The following MFN2 variants were observed in gnomAD, a reference collection of about 807,000 sequenced individuals.
MFN2 encodes mitofusin-2.
In MFN2, 43 loss-of-function variants were observed where a neutral mutation model predicts 87.5. That is an observed-to-expected ratio of 0.49 (90% confidence interval 0.38 to 0.63). The LOEUF (loss-of-function observed/expected upper bound fraction) is 0.63. Ranked by LOEUF, MFN2 falls within the 30% of genes least tolerant of loss-of-function variation. The pLI is 0.00. For synonymous variants in MFN2, 337 were observed against 359.9 expected, an observed-to-expected ratio of 0.94 and a Z score of 0.72; for missense variants, 743 against 972.8, an observed-to-expected ratio of 0.76 and a Z score of 3.14.
At chr1:12,005,107 A>T (rs1639350455) in intron 14 of MFN2, among the ~76,000 whole-genome samples, 180 bp downstream of exon 14, 1 of 152,196 alleles carries the variant, frequency 6.6e-6, no homozygotes, top group South Asian at 2.1e-4. Context: ...TTTGAGACAG[A>T]GTCGCACTCC....
intron 2 of MFN2, among the ~76,000 whole-genome samples, chr1:11,985,492 G>C (rs1638361525): frequency 8.2e-6 from 1 of 121,984 alleles, no homozygotes; most frequent in Non-Finnish European, 1.6e-5. Context: ...TAAAGAGAGA[G>C]ACTTCGCTCT....
rs1273477222 is a variant in MFN2 at position 12,004,437 on chromosome 1, A to G, written c.1288-72A>G. 1.5e-6 allele frequency: 2 copies of G among 1,291,770 alleles called. No homozygotes were observed. Among genetic ancestry groups the G allele is most frequent in the African/African-American group, 1.5e-5 (1 of 68,362 alleles). 80.0% of individuals were successfully genotyped at this position (1,291,770 alleles called of 1,614,324 possible). A position where few individuals can be genotyped will look rare whatever the true frequency, so the allele number is the denominator to read the frequency against. On this transcript the variant is annotated intron_variant, in intron 12 of 18. Transcript: ENST00000235329. The surrounding 1 kb of genome is among the most constrained non-coding windows in gnomAD (Gnocchi z 4.2). ...GAGGAAGGATGTGCCATCTGCTAGG[A>G]TCTCTCCTGGTGCTGCAGGAGTGAA...
Position 12,011,746 on chromosome 1 carries a change from C to G in MFN2, c.*181C>G. Reference sequence around the variant, plus strand: ...ACTTATTTTCCCCCACCTTTGCCTGCTGTTGCTGGAAGAGCTGGCTCATAC... The same window carrying G: ...ACTTATTTTCCCCCACCTTTGCCTGGTGTTGCTGGAAGAGCTGGCTCATAC... On this transcript the variant is annotated 3_prime_UTR_variant, in exon 19 of 19. Transcript: ENST00000235329. 1.5e-6 allele frequency: 1 copy of G among 660,254 alleles called. No homozygotes were observed. Among genetic ancestry groups the G allele is most frequent in the Non-Finnish European group, 2.7e-6 (1 of 376,846 alleles). 40.9% of individuals were successfully genotyped at this position (660,254 alleles called of 1,614,324 possible).
chr1:11,987,402 G>A (rs180792988), intron 2 of MFN2, among the ~76,000 whole-genome samples: 1 of 152,060 alleles, frequency 6.6e-6, no homozygotes, highest in African/African-American at 2.4e-5. Context: ...GGACAAGGTG[G>A]GTGGATCATT....
In MFN2 at chr1:12,001,385, T is replaced by C. The variant is rs745748735; in HGVS notation, c.817-16T>C. The C allele has an allele frequency of 1.9e-6, 3 of 1,609,916 alleles. No individual in the cohort carries two copies. Among genetic ancestry groups the C allele is most frequent in the Non-Finnish European group, 2.5e-6 (3 of 1,177,986 alleles). ...GCCACCTACACTCACTCTGGACACATTTGTTTGGGCTCCAGGTGCGGCGGC... is the reference window on the plus strand; with the variant it reads ...GCCACCTACACTCACTCTGGACACACTTGTTTGGGCTCCAGGTGCGGCGGC... On this transcript the variant is annotated splice_polypyrimidine_tract_variant and intron_variant, in intron 8 of 18. Transcript: ENST00000235329.
intron 6 of MFN2, among the ~76,000 whole-genome samples, chr1:11,998,032 C>CAT (rs1553142920): frequency 2.7e-5 from 4 of 150,848 alleles, no homozygotes; most frequent in Admixed American, 6.6e-5. Flanking sequence ...TACAGGTGCC[C>CAT]GCCACCATGC....
rs1279338276 is a variant in MFN2, at chr1:12,012,666, A to G, written c.*1101A>G. 1 of 152,300 alleles carries G rather than the reference A, an allele frequency of 6.6e-6. No homozygotes were observed. The highest frequency in any genetic ancestry group is 1.5e-5 in the Non-Finnish European group (1 of 68,122). The allele number at this position is 152,300 out of a possible 1,614,324, so 9.4% of individuals were successfully genotyped here. On this transcript the variant is annotated 3_prime_UTR_variant, in exon 19 of 19. Transcript: ENST00000235329. The stretch of plus-strand genomic sequence containing the variant: ...AGTGACTGCAGTTGGCCAAGGGACA[A>G]TGTGGAAAACCCAGTGTCCATCTTT...
intron 6 of MFN2, among the ~76,000 whole-genome samples, chr1:11,998,065 G>A (rs1639000349): frequency 6.6e-6 from 1 of 150,858 alleles, no homozygotes; most frequent in African/African-American, 2.4e-5. Flanking sequence ...TGTATTTTTA[G>A]TAGAGACGGG....
Position 12,013,213 on chromosome 1 carries a change from G to C in MFN2, c.*1648G>C. Reference sequence around the variant, plus strand: ...CTTTTTGAAAAAAAAAAATTCTTTAGCGTAAACATGAATTTTTTTTCAATG... The same window carrying C: ...CTTTTTGAAAAAAAAAAATTCTTTACCGTAAACATGAATTTTTTTTCAATG... On this transcript the variant is annotated 3_prime_UTR_variant, in exon 19 of 19. Coordinates refer to ENST00000235329, the MANE Select transcript of MFN2 (RefSeq NM_014874.4). 2.9e-6 allele frequency: 1 copy of C among 341,572 alleles called. No homozygotes were observed. Among genetic ancestry groups the C allele is most frequent in the South Asian group, 2.2e-5 (1 of 45,392 alleles). 21.2% of individuals were successfully genotyped at this position (341,572 alleles called of 1,614,324 possible). A position where few individuals can be genotyped will look rare whatever the true frequency, so the allele number is the denominator to read the frequency against.
In MFN2 at chr1:12,009,536, A is replaced by G. The variant is rs528416636; in HGVS notation, c.2070-56A>G. 4 of 1,613,372 alleles carry G rather than the reference A, an allele frequency of 2.5e-6. No homozygotes were observed. In the East Asian group the frequency reaches 6.7e-5, roughly 27 times the overall value. ...CTCCCTACTGTGGGTGGGCTAAGCC[A>G]CCAGTGGCATCTTGCTCCACACACC... On this transcript the variant is annotated intron_variant, in intron 17 of 18. Transcript: ENST00000235329.
chr1:11,988,403 GTTTTTTTTT>G (rs761186739), intron 2 of MFN2, among the ~76,000 whole-genome samples: 1 of 137,850 alleles, frequency 7.3e-6, no homozygotes, highest in Non-Finnish European at 1.6e-5. Flanking sequence ...ATGCCTGGCT[GTTTTTTTTT>G]TTTTTTTTAA....
In MFN2 at chr1:12,013,185, GCT is replaced by G. The variant is rs1639761074; in HGVS notation, c.*1623_*1624del. On this transcript the variant is annotated 3_prime_UTR_variant, in exon 19 of 19. Coordinates refer to ENST00000235329, the MANE Select transcript of MFN2 (RefSeq NM_014874.4). ...GTCACACAATTCCAATGGATTTTGTGCTCTTTTTGAAAAAAAAAAATTCTTTA... is the reference window on the plus strand; with the variant it reads ...GTCACACAATTCCAATGGATTTTGTGCTTTTTGAAAAAAAAAAATTCTTTA... 2.9e-6 allele frequency: 1 copy of G among 348,112 alleles called. No individual in the cohort carries two copies. The highest frequency in any genetic ancestry group is 5.7e-6 in the Non-Finnish European group (1 of 176,422). 21.6% of individuals were successfully genotyped at this position (348,112 alleles called of 1,614,324 possible). A position where few individuals can be genotyped will look rare whatever the true frequency, so the allele number is the denominator to read the frequency against.
Position 12,011,914 on chromosome 1 carries a change from T to A in MFN2, c.*349T>A. The A allele has an allele frequency of 2.7e-6, 1 of 366,424 alleles. No individual in the cohort carries two copies. The highest frequency in any genetic ancestry group is 5.2e-6 in the Non-Finnish European group (1 of 192,556). The allele number at this position is 366,424 out of a possible 1,614,324, so 22.7% of individuals were successfully genotyped here. A position where few individuals can be genotyped will look rare whatever the true frequency, so the allele number is the denominator to read the frequency against. ...CATTGCACAATGCCTCATGGAAGCC[T>A]TTGAGGGTATCACACAGACACCCCC... On this transcript the variant is annotated 3_prime_UTR_variant, in exon 19 of 19. Coordinates refer to ENST00000235329, the MANE Select transcript of MFN2 (RefSeq NM_014874.4).
At chr1:12,009,861 T>C in intron 18 of MFN2, 135 bp downstream of exon 18, 1 of 1,322,012 alleles carries the variant, frequency 7.6e-7, no homozygotes, top group South Asian at 1.2e-5. Flanking sequence ...TCGTGTTAGA[T>C]GTGTACCATG....
Position 11,997,314 on chromosome 1 carries a change from C to G in MFN2, c.492C>G (p.Ala164=), listed in dbSNP as rs1351533528. The change falls in exon 6 of 19, where the codon GCC becomes GCG. Residue 164 remains alanine, a synonymous_variant. Coordinates refer to ENST00000235329, the MANE Select transcript of MFN2 (RefSeq NM_014874.4). ...GCCATCAGACTGTGAACCAGCTGGC[C>G]CATGCCCTCCACCAGGACAAGCAGC... ...KRSAKTVNQL[A]HALHQDKQLH... The G allele has an allele frequency of 1.2e-6, 2 of 1,614,050 alleles. No individual in the cohort carries two copies. Among genetic ancestry groups the G allele is most frequent in the Non-Finnish European group, 1.7e-6 (2 of 1,180,026 alleles).
chr1:12,000,468 G>A (rs1040886457), intron 8 of MFN2, among the ~76,000 whole-genome samples: 1 of 152,192 alleles, frequency 6.6e-6, no homozygotes, highest in East Asian at 1.9e-4. Flanking sequence ...GGGATTACGG[G>A]CGTGAGCCAC....
intron 8 of MFN2, among the ~76,000 whole-genome samples, chr1:11,999,603 C>A (rs1471757355): frequency 6.6e-6 from 1 of 152,012 alleles, no homozygotes; most frequent in Non-Finnish European, 1.5e-5. Flanking sequence ...GGTGATCCAC[C>A]TGCCTCAGCC....
rs1639336703 is a variant in MFN2 at position 12,004,910 on chromosome 1, T to C, written c.1478T>C (p.Met493Thr). The change falls in exon 14 of 19, where the codon ATG becomes ACG. Residue 493 changes from methionine to threonine, a missense_variant. Met to Thr is a moderately conservative substitution (Grantham distance 81, BLOSUM62 -1). Coordinates refer to ENST00000235329, the MANE Select transcript of MFN2 (RefSeq NM_014874.4). The surrounding 1 kb of genome is among the most constrained non-coding windows in gnomAD (Gnocchi z 4.2). ...GCCATCACCAACTCCCTGCAGACCA[T>C]GCAGCAGGACATGATAGGTTAGTGC... ...STAITNSLQTMQQDMIDGLKP... is the reference protein window; with the variant it reads ...STAITNSLQTTQQDMIDGLKP... The C allele has an allele frequency of 1.9e-6, 3 of 1,610,888 alleles. No individual in the cohort carries two copies. Among genetic ancestry groups the C allele is most frequent in the Non-Finnish European group, 2.5e-6 (3 of 1,178,574 alleles).
intron 4 of MFN2, among the ~76,000 whole-genome samples, chr1:11,993,239 T>G (rs1638768119): frequency 6.6e-6 from 1 of 150,926 alleles, no homozygotes; most frequent in Admixed American, 6.6e-5. Context: ...ACAGTATTTG[T>G]TTTTTTTTCT....
Sources: gnomAD v4.1 joint callset for allele counts (sites outside exome capture counted in the v4.1 genomes callset) on GRCh38, gnomAD v4.1.1 for gene constraint, Gnocchi (gnomAD v3.1) non-coding constraint, MANE v1.5 for transcripts, NCBI Gene and HGNC (gene_info 2026-07-23, HGNC 2026-07-21) for gene names.